The following NCAM2 variants were observed in gnomAD, a reference collection of about 807,000 sequenced individuals.
NCAM2 encodes neural cell adhesion molecule 2, also known as N-CAM-2.
NCAM2 carries 30 observed loss-of-function variants against 98.1 expected under a neutral mutation model. That is an observed-to-expected ratio of 0.31 (90% confidence interval 0.23 to 0.41). The LOEUF (loss-of-function observed/expected upper bound fraction) is 0.41. NCAM2 is among the 10% of genes least tolerant of loss of function. The probability of loss-of-function intolerance (pLI) is 1.00; values close to 1 mark genes in which losing one functional copy is unlikely to be tolerated. For missense variants in NCAM2, 867 were observed against 1,005.8 expected (o/e 0.86, Z 1.87); for synonymous variants, 368 against 342.4 (o/e 1.07, Z -0.83).
chr21:21,048,320 C>G (rs2065038768), intron 1 of NCAM2, among the ~76,000 whole-genome samples: 1 of 152,094 alleles, frequency 6.6e-6, no homozygotes, highest in Non-Finnish European at 1.5e-5. Context: ...CTGGAAGACC[C>G]CCTTTAAGTT....
chr21:21,263,505 A>T (rs999869711), intron 1 of NCAM2, among the ~76,000 whole-genome samples: 8 of 152,100 alleles, frequency 5.3e-5, no homozygotes, highest in Non-Finnish European at 1.2e-4. Context: ...AAAATTTTTT[A>T]AAAATCTAAA....
chr21:21,000,109 A>G (rs2063991850), intron 1 of NCAM2, among the ~76,000 whole-genome samples: 1 of 152,234 alleles, frequency 6.6e-6, no homozygotes, highest in Non-Finnish European at 1.5e-5. Context: ...TCGTTAATTC[A>G]GTGGTTCTTA....
chr21:21,514,267 G>C (rs903338077), intron 16 of NCAM2, among the ~76,000 whole-genome samples: 6 of 151,412 alleles, frequency 4.0e-5, no homozygotes, highest in Non-Finnish European at 7.4e-5. Flanking sequence ...CCTGAGGTCA[G>C]GAGTTCGAAA....
chr21:21,243,754 G>A (rs928288971), intron 1 of NCAM2, among the ~76,000 whole-genome samples: 2 of 152,134 alleles, frequency 1.3e-5, no homozygotes, highest in Non-Finnish European at 2.9e-5. Flanking sequence ...CACTAGAACA[G>A]GTCCTAAAGC....
intron 10 of NCAM2, among the ~76,000 whole-genome samples, chr21:21,416,940 T>C (rs2077006398): frequency 6.6e-6 from 1 of 151,920 alleles, no homozygotes; most frequent in South Asian, 2.1e-4. Flanking sequence ...GGTGTTTTCT[T>C]TATTTATTAA....
At chr21:21,387,453 A>G (rs2076294613) in intron 9 of NCAM2, among the ~76,000 whole-genome samples, 1 of 152,068 alleles carries the variant, frequency 6.6e-6, no homozygotes, top group African/African-American at 2.4e-5. Flanking sequence ...CAGAATTTCC[A>G]CAGCGTGAGG....
intron 1 of NCAM2, among the ~76,000 whole-genome samples, chr21:21,150,187 G>C (rs919580103): frequency 9.9e-5 from 15 of 152,114 alleles, no homozygotes; most frequent in African/African-American, 3.6e-4. Context: ...TGTGGATATA[G>C]AAATACAATT....
chr21:21,483,746 T>C (rs1602473734), intron 15 of NCAM2, among the ~76,000 whole-genome samples: 1 of 152,106 alleles, frequency 6.6e-6, no homozygotes, highest in Non-Finnish European at 1.5e-5. Context: ...GCATTTAGTT[T>C]AGCATGTAGT....
intron 1 of NCAM2, among the ~76,000 whole-genome samples, chr21:21,067,598 A>G (rs930097029): frequency 1.3e-5 from 2 of 152,132 alleles, no homozygotes; most frequent in African/African-American, 2.4e-5. Context: ...GCATCATCCT[A>G]CTTTTCACAG....
At chr21:21,435,328 A>T (rs1226256961) in intron 12 of NCAM2, among the ~76,000 whole-genome samples, 1 of 152,126 alleles carries the variant, frequency 6.6e-6, no homozygotes, top group African/African-American at 2.4e-5. Flanking sequence ...CCAAATTGCG[A>T]TGCAAATATC....
chr21:21,442,030 A>G (rs1271551359), intron 12 of NCAM2, among the ~76,000 whole-genome samples: 1 of 152,198 alleles, frequency 6.6e-6, no homozygotes, highest in Non-Finnish European at 1.5e-5. Flanking sequence ...ATGACCCGAT[A>G]TTTACATACA....
rs1438335424 is a variant in NCAM2, at chr21:21,418,476, G to T, written c.1387G>T (p.Ala463Ser). 1 of 1,597,314 alleles carries T rather than the reference G, an allele frequency of 6.3e-7. No individual in the cohort carries two copies. The highest frequency in any genetic ancestry group is 1.1e-5 in the South Asian group (1 of 90,654). The change falls in exon 11 of 18, where the codon GCA becomes TCA. Residue 463 changes from alanine to serine, a missense_variant. By Grantham distance (99) the Ala-to-Ser change is moderately conservative. This residue lies in a region of NCAM2 where 56 missense variants were observed against 39.6 expected (regional missense o/e 1.41). Transcript: ENST00000400546. ...TTTGTTATTATAATTATTTCAGATT[G>T]CACCTACATCTGACAATGACTTTGG... ...STGRKMILEI[A>S]PTSDNDFGRY...
chr21:21,330,997 G>A (rs1010833431), intron 6 of NCAM2, among the ~76,000 whole-genome samples: 2 of 151,926 alleles, frequency 1.3e-5, no homozygotes, highest in Admixed American at 6.6e-5. Context: ...GAGATGTTTT[G>A]TATGTCCTCC....
intron 1 of NCAM2, among the ~76,000 whole-genome samples, chr21:21,231,744 T>C (rs147234941): frequency 8.6e-5 from 13 of 151,502 alleles, no homozygotes; most frequent in South Asian, 6.2e-4. Context: ...TCATACTGTT[T>C]CCAACCAAAC....
chr21:21,119,570 C>CA (rs11381525), intron 1 of NCAM2, among the ~76,000 whole-genome samples: 152,328 of 152,330 alleles, frequency 1, 76,163 homozygotes, highest in Middle Eastern at 1. Context: ...GAAAATGTAT[C>CA]AACTAATTAT....
At chr21:21,435,069 G>T (rs1351142794) in intron 12 of NCAM2, among the ~76,000 whole-genome samples, 2 of 152,086 alleles carry the variant, frequency 1.3e-5, no homozygotes, top group Non-Finnish European at 2.9e-5. Context: ...TTCATCATGG[G>T]GTGCTGCTTA....
At chr21:21,457,181 C>A (rs1288506630) in intron 12 of NCAM2, among the ~76,000 whole-genome samples, 1 of 147,590 alleles carries the variant, frequency 6.8e-6, no homozygotes, top group Non-Finnish European at 1.5e-5. Flanking sequence ...TGAGGGCCCA[C>A]AAGGGAAAAA....
chr21:21,043,483 C>T (rs987244800), intron 1 of NCAM2, among the ~76,000 whole-genome samples: 1 of 151,812 alleles, frequency 6.6e-6, no homozygotes, highest in African/African-American at 2.4e-5. Context: ...TTTCAACTGG[C>T]ATGGAATTCA....
chr21:21,519,740 TGTA>T (rs2146384816), intron 16 of NCAM2, among the ~76,000 whole-genome samples: 1 of 152,248 alleles, frequency 6.6e-6, no homozygotes, highest in Non-Finnish European at 1.5e-5. Context: ...TTTTCAAAAA[TGTA>T]GTGTTCAAGT....
Sources: gnomAD v4.1 joint callset for allele counts (sites outside exome capture counted in the v4.1 genomes callset) on GRCh38, gnomAD v4.1.1 for gene constraint, gnomAD v4.1.1 regional missense constraint, MANE v1.5 for transcripts, NCBI Gene and HGNC (gene_info 2026-07-23, HGNC 2026-07-21) for gene names.